GPD2: variants seen among roughly 807,000 people sequenced by gnomAD.
GPD2 encodes the protein glycerol-3-phosphate dehydrogenase 2.
In GPD2, 54 loss-of-function variants were observed where a neutral mutation model predicts 82.4. That is an observed-to-expected ratio of 0.66 (90% CI 0.53 to 0.82). The LOEUF (loss-of-function observed/expected upper bound fraction) is 0.82. GPD2 is among the 40% of genes least tolerant of loss of function. The pLI, the probability that GPD2 is intolerant of heterozygous loss-of-function variation, is 0.00. For missense variants in GPD2, 748 were observed against 896.2 expected (o/e 0.83, Z 2.11); for synonymous variants, 288 against 306.1 (o/e 0.94, Z 0.62).
At chr2:156,501,968 G>T (rs766377345) in intron 3 of GPD2, 2 of 161,596 alleles carry the variant, frequency 1.2e-5, no homozygotes, top group Non-Finnish European at 2.9e-5. Context: ...ATCAGTCATG[G>T]AGTCTATAAA....
At chr2:156,582,723 G>T in intron 16 of GPD2, 70 bp from the exon 17 acceptor site, 3 of 1,550,298 alleles carry the variant, frequency 1.9e-6, no homozygotes, top group South Asian at 1.1e-5. Context: ...CAATTCTAAC[G>T]ATTATGATGC....
At chr2:156,522,246 T>G (rs1200485379) in intron 6 of GPD2, among the ~76,000 whole-genome samples, 1 of 152,160 alleles carries the variant, frequency 6.6e-6, no homozygotes, top group East Asian at 1.9e-4. Context: ...AGGCTTTCAT[T>G]CTCTTATAAT....
chr2:156,544,992 T>C (rs541695549), intron 6 of GPD2, among the ~76,000 whole-genome samples: 1 of 152,344 alleles, frequency 6.6e-6, no homozygotes, highest in South Asian at 2.1e-4. Flanking sequence ...CAATTCACCA[T>C]GAAGAGTGGG....
At chr2:156,412,716 C>T in the GPD2 span, among the ~76,000 whole-genome samples, 6 of 152,102 alleles carry the variant, frequency 3.9e-5, no homozygotes, top group Non-Finnish European at 5.9e-5. Flanking sequence ...ATTGTAAAAC[C>T]TTCTTCTAAC....
chr2:156,549,666 G>A lies in GPD2; in HGVS notation c.720G>A (p.Gly240=). Residue 240 remains glycine (G), a synonymous_variant, in exon 7 of 17, where the codon GGG becomes GGA. Coordinates refer to ENST00000438166, the MANE Select transcript of GPD2 (RefSeq NM_000408.5). ...LAIALTAARY[G]AATANYMEVV... ...TTGCTCTGACTGCTGCCAGGTATGG[G>A]GCTGCCACAGCCAATTACATGGAGG... The A allele has an allele frequency of 1.2e-6, 2 of 1,613,848 alleles. No homozygotes were observed. The highest frequency in any genetic ancestry group is 1.7e-6 in the Non-Finnish European group (2 of 1,179,742).
chr2:156,400,334 C>G, the GPD2 span, among the ~76,000 whole-genome samples: 3 of 152,220 alleles, frequency 2.0e-5, no homozygotes, highest in Non-Finnish European at 2.9e-5. Flanking sequence ...GCGCTGGGCC[C>G]GGGCTCGAGG....
At chr2:156,525,438 A>G (rs1389052994) in intron 6 of GPD2, among the ~76,000 whole-genome samples, 3 of 152,212 alleles carry the variant, frequency 2.0e-5, no homozygotes, top group Admixed American at 1.3e-4. Context: ...GGAAAATGGT[A>G]ACTAGGGACC....
chr2:156,517,197 A>C (rs1223903961), intron 6 of GPD2, among the ~76,000 whole-genome samples: 1 of 152,104 alleles, frequency 6.6e-6, no homozygotes. Context: ...GCCTCAAGTG[A>C]TCCTCCCGCC....
At position 156,571,271 on chromosome 2, in the gene GPD2, T is replaced by C. The variant is rs1317054099; in HGVS notation, c.1746T>C (p.Asn582=). The C allele has an allele frequency of 6.2e-7, 1 of 1,606,904 alleles. No individual in the cohort carries two copies. Among genetic ancestry groups the C allele is most frequent in the Non-Finnish European group, 8.5e-7 (1 of 1,175,900 alleles). ...RIVELMGREL[N]WDDYKKQEQL... ...TTGAACTGATGGGCAGGGAACTGAA[T>C]TGGGATGATTATAAGAAGCAGGTAT... Residue 582 remains asparagine, a synonymous_variant, in exon 13 of 17, where the codon AAT becomes AAC. Coordinates refer to ENST00000438166, the MANE Select transcript of GPD2 (RefSeq NM_000408.5).
rs768097688 is a variant in GPD2 at position 156,512,349 on chromosome 2, G to T, written c.497+32G>T. ...CTTTTGATATCACCTGTATGCATTT[G>T]CTTCTCTGCGGTCAATAGAACAACA... is the stretch of plus-strand genomic sequence containing the variant. On this transcript the variant is annotated intron_variant, in intron 5 of 16. Transcript: ENST00000438166. 6 of 987,698 alleles carry T rather than the reference G, an allele frequency of 6.1e-6. No homozygotes were observed. In the Admixed American group the frequency reaches 1.0e-4, roughly 17 times the overall value. The allele number at this position is 987,698 out of a possible 1,614,324, so 61.2% of individuals were successfully genotyped here.
At chr2:156,430,631 T>C (rs925715798), upstream of GPD2, among the ~76,000 whole-genome samples, 1 of 152,226 alleles carries the variant, frequency 6.6e-6, no homozygotes, top group Admixed American at 6.5e-5. Context: ...TGAGCTTTGG[T>C]TTTGTTTCTT....
intron 2 of GPD2, among the ~76,000 whole-genome samples, chr2:156,478,180 A>G (rs575633742): frequency 2.6e-5 from 4 of 152,298 alleles, no homozygotes; most frequent in African/African-American, 9.6e-5. Flanking sequence ...GTCAAGTTAT[A>G]GGTGGATTTT....
chr2:156,571,723 G>T (rs1687646375), intron 13 of GPD2, among the ~76,000 whole-genome samples: 1 of 150,686 alleles, frequency 6.6e-6, no homozygotes, highest in Admixed American at 6.7e-5. Context: ...AATTTTAAAA[G>T]CTGGTGATGC....
chr2:156,414,209 A>G, the GPD2 span, among the ~76,000 whole-genome samples: 1 of 152,316 alleles, frequency 6.6e-6, no homozygotes, highest in East Asian at 1.9e-4. Context: ...AAATGTCATC[A>G]ATGTATTCTT....
At chr2:156,422,586 G>A in the GPD2 span, among the ~76,000 whole-genome samples, 136 of 151,540 alleles carry the variant, frequency 9.0e-4, no homozygotes, top group East Asian at 0.016. Flanking sequence ...AAAAATTAGC[G>A]GGGCATGGTG....
chr2:156,503,933 G>T lies in GPD2; in HGVS notation c.275-6863G>T, dbSNP rs894150457. On this transcript the variant is annotated intron_variant, in intron 3 of 16. Transcript: ENST00000438166. ...GATAATACCAAAGTAAAAATAAAACGCAACAGCAGCAACTCCCTTATTCCT... is the reference window on the plus strand; with the variant it reads ...GATAATACCAAAGTAAAAATAAAACTCAACAGCAGCAACTCCCTTATTCCT... Among the ~76,000 whole-genome samples, 7 of 151,932 alleles carry T rather than the reference G, an allele frequency of 4.6e-5. No individual in the cohort carries two copies. In the East Asian group the frequency reaches 1.2e-3, roughly 25 times the overall value.
At chr2:156,473,108 T>C (rs1683388010) in intron 1 of GPD2, among the ~76,000 whole-genome samples, 1 of 152,210 alleles carries the variant, frequency 6.6e-6, no homozygotes, top group South Asian at 2.1e-4. Flanking sequence ...GATTCTTGCC[T>C]TTGACTTTGA....
At chr2:156,458,973 A>G (rs1195374855) in intron 1 of GPD2, among the ~76,000 whole-genome samples, 2 of 149,034 alleles carry the variant, frequency 1.3e-5, no homozygotes, top group African/African-American at 4.9e-5. Context: ...GTGAGTGTGT[A>G]TGTGTGTGTA....
chr2:156,578,852 C>T (rs1477712202), intron 13 of GPD2, 37 bp from the exon 14 acceptor site: 1 of 1,161,332 alleles, frequency 8.6e-7, no homozygotes, highest in Non-Finnish European at 1.3e-6. Flanking sequence ...TCAATATTTC[C>T]ATGTGTCTTT....
Sources: gnomAD v4.1 joint callset for allele counts (sites outside exome capture counted in the v4.1 genomes callset) on GRCh38, gnomAD v4.1.1 for gene constraint, MANE v1.5 for transcripts, NCBI Gene and HGNC (gene_info 2026-07-23, HGNC 2026-07-21) for gene names.